The following LYPLAL1 variants were observed in gnomAD, a reference collection of about 807,000 sequenced individuals.
The protein encoded by LYPLAL1 is lysophospholipase-like protein 1.
In LYPLAL1, 23 loss-of-function variants were observed where a neutral mutation model predicts 19.7. That is an observed-to-expected ratio of 1.17 (90% confidence interval 0.84 to 1.65). LYPLAL1 has a LOEUF of 1.65. Among genes scored for constraint, LYPLAL1 ranks in the 40% most tolerant of loss-of-function variants. LYPLAL1 has a pLI of 0.00. For synonymous variants in LYPLAL1, 119 were observed against 96.3 expected (o/e 1.24, Z -1.38); for missense variants, 355 against 279.4 (o/e 1.27, Z -1.93).
At chr1:219,399,067 G>C in the LYPLAL1 span, among the ~76,000 whole-genome samples, 1 of 152,312 alleles carries the variant, frequency 6.6e-6, no homozygotes, top group South Asian at 2.1e-4. Flanking sequence ...GCAGGGAGGG[G>C]CACCCTTGTT....
chr1:219,244,850 G>A, the LYPLAL1 span, among the ~76,000 whole-genome samples: 2 of 150,610 alleles, frequency 1.3e-5, no homozygotes, highest in African/African-American at 4.9e-5. Context: ...GGGAGGCTGA[G>A]GCAGGAGAAT....
the LYPLAL1 span, among the ~76,000 whole-genome samples, chr1:219,287,323 TGCTACCCCAA>T: frequency 1.3e-5 from 2 of 152,184 alleles, no homozygotes; most frequent in African/African-American, 4.8e-5. Context: ...TGATTTCCAT[TGCTACCCCAA>T]GCTACCCTTA....
At chr1:219,403,686 G>C in the LYPLAL1 span, among the ~76,000 whole-genome samples, 1 of 152,058 alleles carries the variant, frequency 6.6e-6, no homozygotes, top group Non-Finnish European at 1.5e-5. Context: ...ATAGTCAAAG[G>C]GAGCAAAAAC....
chr1:219,412,126 G>A, the LYPLAL1 span, among the ~76,000 whole-genome samples: 34 of 152,150 alleles, frequency 2.2e-4, no homozygotes, highest in South Asian at 6.0e-3. Context: ...TTATCTCACC[G>A]CAGCCTCAAA....
chr1:219,243,140 C>G, the LYPLAL1 span, among the ~76,000 whole-genome samples: 4 of 152,162 alleles, frequency 2.6e-5, no homozygotes, highest in South Asian at 8.3e-4. Context: ...TTCCTAAGTT[C>G]TGATCATGGC....
chr1:219,290,138 T>G, the LYPLAL1 span, among the ~76,000 whole-genome samples: 5 of 152,204 alleles, frequency 3.3e-5, no homozygotes, highest in African/African-American at 4.8e-5. Context: ...ATCAGAATGC[T>G]CAGGTGTGAT....
chr1:219,203,955 G>A (rs1198261985), intron 3 of LYPLAL1, among the ~76,000 whole-genome samples: 1 of 152,110 alleles, frequency 6.6e-6, no homozygotes, highest in Non-Finnish European at 1.5e-5. Context: ...GTTTAGCTAT[G>A]AAAATTTTTT....
chr1:219,377,087 T>C, the LYPLAL1 span, among the ~76,000 whole-genome samples: 2 of 152,292 alleles, frequency 1.3e-5, no homozygotes, highest in African/African-American at 4.8e-5. Context: ...ACCCAAAGTG[T>C]CCACAGACAG....
chr1:219,247,554 G>C, the LYPLAL1 span, among the ~76,000 whole-genome samples: 6 of 152,158 alleles, frequency 3.9e-5, no homozygotes, highest in African/African-American at 1.4e-4. Context: ...GAGTTAGCTG[G>C]ACCAAAGGCT....
At chr1:219,292,934 C>T in the LYPLAL1 span, among the ~76,000 whole-genome samples, 3 of 152,260 alleles carry the variant, frequency 2.0e-5, no homozygotes, top group Admixed American at 2.0e-4. Context: ...TGCTCCCACC[C>T]AAAGGCATGT....
the LYPLAL1 span, among the ~76,000 whole-genome samples, chr1:219,311,151 TC>T: frequency 3.3e-5 from 5 of 152,062 alleles, no homozygotes; most frequent in African/African-American, 7.2e-5. Flanking sequence ...TTTTTTTTTT[TC>T]TTTCTCCCTG....
At chr1:219,345,039 T>C in the LYPLAL1 span, among the ~76,000 whole-genome samples, 2 of 152,206 alleles carry the variant, frequency 1.3e-5, no homozygotes, top group African/African-American at 4.8e-5. Flanking sequence ...CTAATCATAA[T>C]AGTCAGAAAT....
the LYPLAL1 span, among the ~76,000 whole-genome samples, chr1:219,245,730 G>A: frequency 6.6e-6 from 1 of 152,144 alleles, no homozygotes; most frequent in Non-Finnish European, 1.5e-5. Flanking sequence ...TTTATCTCTG[G>A]TAAGCTATAT....
the LYPLAL1 span, among the ~76,000 whole-genome samples, chr1:219,329,885 G>A: frequency 2.6e-5 from 4 of 152,234 alleles, no homozygotes; most frequent in Non-Finnish European, 5.9e-5. Context: ...AAAGCATTTT[G>A]GTAATCTCCT....
At chr1:219,360,970 A>G in the LYPLAL1 span, among the ~76,000 whole-genome samples, 1 of 152,182 alleles carries the variant, frequency 6.6e-6, no homozygotes, top group Non-Finnish European at 1.5e-5. Context: ...AAAGAAGGGA[A>G]ATGTTCTAGT....
At chr1:219,352,153 C>G in the LYPLAL1 span, among the ~76,000 whole-genome samples, 1 of 152,238 alleles carries the variant, frequency 6.6e-6, no homozygotes, top group South Asian at 2.1e-4. Flanking sequence ...AAGGCTGACT[C>G]TATCATTTCC....
chr1:219,313,750 GT>G, the LYPLAL1 span, among the ~76,000 whole-genome samples: 1 of 152,164 alleles, frequency 6.6e-6, no homozygotes, highest in South Asian at 2.1e-4. Context: ...GGCCAGGCTG[GT>G]CTCCAACTCC....
chr1:219,367,846 A>G, the LYPLAL1 span, among the ~76,000 whole-genome samples: 1 of 152,114 alleles, frequency 6.6e-6, no homozygotes, highest in Non-Finnish European at 1.5e-5. Context: ...TTCATTAAAA[A>G]TATTTGTCTG....
the LYPLAL1 span, among the ~76,000 whole-genome samples, chr1:219,383,062 G>T: frequency 2.0e-5 from 3 of 152,082 alleles, no homozygotes; most frequent in Non-Finnish European, 4.4e-5. Context: ...GACTGTTCAT[G>T]AAGTCAAAAA....
Sources: gnomAD v4.1 joint callset for allele counts (sites outside exome capture counted in the v4.1 genomes callset) on GRCh38, gnomAD v4.1.1 for gene constraint, MANE v1.5 for transcripts, NCBI Gene and HGNC (gene_info 2026-07-23, HGNC 2026-07-21) for gene names.